The following AGBL4 variants were observed in gnomAD, a reference collection of about 807,000 sequenced individuals.
AGBL4 encodes AGBL carboxypeptidase 4.
A neutral mutation model predicts 66.4 loss-of-function variants in AGBL4; 58 were observed. The ratio of observed to expected loss-of-function variants is 0.87; its 90% confidence interval spans 0.71 to 1.09. The LOEUF (loss-of-function observed/expected upper bound fraction) is 1.09, where lower values mean the gene tolerates loss of function less well. Ranked by LOEUF, AGBL4 falls within the 50% of genes least tolerant of loss-of-function variation. The pLI is 0.00. For synonymous variants in AGBL4, 234 were observed against 222.9 expected, an observed-to-expected ratio of 1.05 and a Z score of -0.44; for missense variants, 579 against 631.0, an observed-to-expected ratio of 0.92 and a Z score of 0.88.
At chr1:49,641,052 C>G (rs1645771584) in intron 3 of AGBL4, among the ~76,000 whole-genome samples, 1 of 152,056 alleles carries the variant, frequency 6.6e-6, no homozygotes, top group African/African-American at 2.4e-5. Context: ...AATAAACCTG[C>G]AAATGCACCC....
At chr1:49,632,190 T>A (rs1046914500) in intron 3 of AGBL4, among the ~76,000 whole-genome samples, 1 of 152,198 alleles carries the variant, frequency 6.6e-6, no homozygotes, top group Admixed American at 6.5e-5. Context: ...TGCTGGGTCA[T>A]ATTAAGATTT....
chr1:49,768,141 T>G (rs1480376903), intron 2 of AGBL4, among the ~76,000 whole-genome samples: 1 of 152,010 alleles, frequency 6.6e-6, no homozygotes, highest in Admixed American at 6.6e-5. Context: ...TCCAAAAAAT[T>G]GAGGAGGAGG....
intron 1 of AGBL4, among the ~76,000 whole-genome samples, chr1:49,983,794 T>C (rs573118735): frequency 1.3e-5 from 2 of 152,256 alleles, no homozygotes; most frequent in Non-Finnish European, 2.9e-5. Context: ...AGATCAGTTA[T>C]GCATACCTGG....
chr1:49,164,040 A>T (rs561015504), intron 4 of AGBL4, among the ~76,000 whole-genome samples: 1 of 152,272 alleles, frequency 6.6e-6, no homozygotes, highest in East Asian at 1.9e-4. Flanking sequence ...AGAGTGAAGA[A>T]TTTATTGTGA....
chr1:48,661,489 T>C (rs1570167599), intron 7 of AGBL4, among the ~76,000 whole-genome samples: 1 of 151,924 alleles, frequency 6.6e-6, no homozygotes. Flanking sequence ...TGCCAGGGAG[T>C]TGTAGTTTAT....
At chr1:48,912,998 T>G (rs1462087274) in intron 5 of AGBL4, among the ~76,000 whole-genome samples, 2 of 151,980 alleles carry the variant, frequency 1.3e-5, no homozygotes, top group Non-Finnish European at 2.9e-5. Context: ...GCAAGGAAAA[T>G]ATTTCTGACA....
chr1:48,923,937 G>A (rs1451929337), intron 5 of AGBL4, among the ~76,000 whole-genome samples: 2 of 152,230 alleles, frequency 1.3e-5, no homozygotes, highest in East Asian at 1.9e-4. Flanking sequence ...GATGAATGCA[G>A]CCAACCTTCC....
intron 8 of AGBL4, among the ~76,000 whole-genome samples, chr1:48,650,478 CTTCT>C (rs1466652795): frequency 1.4e-5 from 2 of 138,396 alleles, no homozygotes; most frequent in Non-Finnish European, 3.2e-5. Flanking sequence ...TCCTTCCTTC[CTTCT>C]TTACTTCCTT....
Position 49,373,371 on chromosome 1 carries a change from G to A in AGBL4, c.283-127507C>T, listed in dbSNP as rs188882786. Reference sequence around the variant, plus strand: ...AGGAGTAACCCCAAAACATGCCTGCGATAATTCAGGCAGGGATTTGCCCCT... The same window carrying A: ...AGGAGTAACCCCAAAACATGCCTGCAATAATTCAGGCAGGGATTTGCCCCT... On this transcript the variant is annotated intron_variant, in intron 3 of 13. Transcript: ENST00000371839. Among the ~76,000 whole-genome samples the A allele has an allele frequency of 2.0e-3, 303 of 152,198 alleles. 1 individual carries two copies. Among genetic ancestry groups the A allele is most frequent in the African/African-American group, 6.9e-3 (285 of 41,542 alleles).
intron 1 of AGBL4, among the ~76,000 whole-genome samples, chr1:49,931,735 T>A (rs1653385153): frequency 6.6e-6 from 1 of 152,176 alleles, no homozygotes; most frequent in Non-Finnish European, 1.5e-5. Flanking sequence ...AAAATTCCAC[T>A]GAGTATCATT....
intron 3 of AGBL4, among the ~76,000 whole-genome samples, chr1:49,308,748 G>A (rs1489742500): frequency 6.6e-6 from 1 of 152,124 alleles, no homozygotes; most frequent in African/African-American, 2.4e-5. Flanking sequence ...CAGGGTGGAA[G>A]GAATTATAGG....
intron 3 of AGBL4, among the ~76,000 whole-genome samples, chr1:49,403,762 T>C (rs1645138555): frequency 6.6e-6 from 1 of 152,212 alleles, no homozygotes; most frequent in Non-Finnish European, 1.5e-5. Context: ...TTCTTTATCA[T>C]TGCTTCAAGG....
At chr1:49,947,999 A>AATATATATATTTATATATATATATTT (rs1293629959) in intron 1 of AGBL4, among the ~76,000 whole-genome samples, 1 of 33,196 alleles carries the variant, frequency 3.0e-5, no homozygotes, top group African/African-American at 1.1e-4. Flanking sequence ...TATATATATA[A>AATATATATATTTATATATATATATTT]ATATATATAA....
intron 3 of AGBL4, among the ~76,000 whole-genome samples, chr1:49,335,931 G>A (rs916703065): frequency 1.3e-5 from 2 of 152,060 alleles, no homozygotes; most frequent in African/African-American, 4.8e-5. Context: ...CACTACATTT[G>A]TGTGTTCTTT....
chr1:48,568,839 C>T (rs903543433), intron 11 of AGBL4, among the ~76,000 whole-genome samples: 2 of 152,172 alleles, frequency 1.3e-5, no homozygotes, highest in African/African-American at 4.8e-5. Context: ...TGTGTCCTTT[C>T]AGGGTACTCT....
intron 3 of AGBL4, among the ~76,000 whole-genome samples, chr1:49,398,565 T>C (rs982710150): frequency 6.6e-6 from 1 of 152,170 alleles, no homozygotes; most frequent in Non-Finnish European, 1.5e-5. Context: ...TCTCCTCTTA[T>C]ATATTTATAC....
At chr1:49,005,503 C>T (rs1661717712) in intron 5 of AGBL4, among the ~76,000 whole-genome samples, 1 of 152,160 alleles carries the variant, frequency 6.6e-6, no homozygotes. Context: ...TCTTGGTTAT[C>T]AGATTGACTG....
intron 3 of AGBL4, among the ~76,000 whole-genome samples, chr1:49,395,789 G>GTATATATATACATATATATATGTGTACA (rs1644952648): frequency 8.2e-6 from 1 of 121,344 alleles, no homozygotes; most frequent in South Asian, 2.6e-4. Flanking sequence ...GTGTATATAT[G>GTATATATATACATATATATATGTGTACA]TATATATATA....
At chr1:48,767,257 G>C (rs1177187858) in intron 6 of AGBL4, among the ~76,000 whole-genome samples, 5 of 152,076 alleles carry the variant, frequency 3.3e-5, no homozygotes, top group Admixed American at 3.3e-4. Context: ...AGTGAAGTGG[G>C]GATAATAAAC....
Sources: allele counts gnomAD v4.1 joint callset (sites outside exome capture counted in the v4.1 genomes callset), GRCh38; gene constraint gnomAD v4.1.1; transcripts MANE v1.5; gene names NCBI Gene and HGNC (gene_info 2026-07-23, HGNC 2026-07-21).